DCC: variants seen among roughly 807,000 people sequenced by gnomAD.
DCC encodes netrin receptor DCC.
A neutral mutation model predicts 172.5 loss-of-function variants in DCC; 58 were observed. The observed-to-expected ratio is 0.34, with a 90% confidence interval of 0.27 to 0.42. DCC has a LOEUF of 0.42. Among genes scored for constraint, DCC ranks in the 10% least tolerant of loss-of-function variants. The pLI is 1.00. For synonymous variants in DCC, 709 were observed against 644.5 expected, an observed-to-expected ratio of 1.10 and a Z score of -1.52; for missense variants, 1,740 against 1,791.0, an observed-to-expected ratio of 0.97 and a Z score of 0.51.
intron 2 of DCC, among the ~76,000 whole-genome samples, chr18:52,891,630 C>G (rs941123913): frequency 6.6e-6 from 1 of 152,030 alleles, no homozygotes; most frequent in Non-Finnish European, 1.5e-5. Context: ...TCTTCCATAC[C>G]ACTGCATTTT....
chr18:53,427,201 C>T (rs1195050937), intron 21 of DCC, among the ~76,000 whole-genome samples: 5 of 152,018 alleles, frequency 3.3e-5, no homozygotes, highest in Non-Finnish European at 7.4e-5. Context: ...CAAGGCAGTG[C>T]CCATATTTGG....
chr18:52,815,312 T>C (rs1052562498), intron 2 of DCC, among the ~76,000 whole-genome samples: 2 of 152,036 alleles, frequency 1.3e-5, no homozygotes, highest in African/African-American at 2.4e-5. Context: ...AAATGTTACA[T>C]GAGGTCATAA....
chr18:53,055,590 T>C (rs1370379403), intron 5 of DCC, among the ~76,000 whole-genome samples: 1 of 152,194 alleles, frequency 6.6e-6, no homozygotes, highest in African/African-American at 2.4e-5. Context: ...TTCTACTCTC[T>C]TAAGGCTAGA....
chr18:52,943,580 C>T (rs565477763), intron 5 of DCC, among the ~76,000 whole-genome samples: 1 of 152,174 alleles, frequency 6.6e-6, no homozygotes, highest in African/African-American at 2.4e-5. Context: ...GCATCATTTA[C>T]ACAAGGACCA....
intron 1 of DCC, among the ~76,000 whole-genome samples, chr18:52,696,002 T>C (rs2036006259): frequency 1.3e-5 from 2 of 152,214 alleles, no homozygotes; most frequent in South Asian, 2.1e-4. Context: ...AAGTTTTTAT[T>C]CTGAGCATTG....
At chr18:52,409,910 T>A (rs1986786689) in intron 1 of DCC, among the ~76,000 whole-genome samples, 1 of 152,110 alleles carries the variant, frequency 6.6e-6, no homozygotes, top group African/African-American at 2.4e-5. Context: ...CAATAGAATC[T>A]AAGACGTGTC....
rs546290685 is a variant in DCC at position 53,535,503 on chromosome 18, T to C, written c.*4850T>C. The C allele has an allele frequency of 6.6e-6, 1 of 152,334 alleles. No homozygotes were observed. The highest frequency in any genetic ancestry group is 2.1e-4 in the South Asian group (1 of 4,826). The allele number at this position is 152,334 out of a possible 1,614,324, so 9.4% of individuals were successfully genotyped here. A position where few individuals can be genotyped will look rare whatever the true frequency, so the allele number is the denominator to read the frequency against. ...AAAGGGCTTTGCAACTCAAACAGAT[T>C]GTTAGTGTGCTAGTGATAAGTTTAT... On this transcript the variant is annotated 3_prime_UTR_variant, in exon 29 of 29. Coordinates refer to ENST00000442544, the MANE Select transcript of DCC (RefSeq NM_005215.4).
At chr18:52,806,250 G>A (rs764666234) in intron 2 of DCC, among the ~76,000 whole-genome samples, 6 of 152,110 alleles carry the variant, frequency 3.9e-5, no homozygotes, top group African/African-American at 9.7e-5. Context: ...GTCCCCATAC[G>A]TGTAAACCTC....
chr18:52,650,561 G>T (rs1350547507), intron 1 of DCC, among the ~76,000 whole-genome samples: 2 of 151,870 alleles, frequency 1.3e-5, no homozygotes, highest in African/African-American at 2.4e-5. Flanking sequence ...GGTTTTGTTT[G>T]TTTGTTTGTT....
chr18:53,266,895 GACATA>G (rs2056681433), intron 12 of DCC, among the ~76,000 whole-genome samples: 1 of 151,696 alleles, frequency 6.6e-6, no homozygotes, highest in African/African-American at 2.4e-5. Context: ...CTATTGTATA[GACATA>G]ACATTTCATT....
At chr18:52,437,567 C>G (rs562029247) in intron 1 of DCC, among the ~76,000 whole-genome samples, 1 of 152,094 alleles carries the variant, frequency 6.6e-6, no homozygotes, top group Non-Finnish European at 1.5e-5. Context: ...AAGATAGGGG[C>G]GCATATTCTG....
intron 2 of DCC, among the ~76,000 whole-genome samples, chr18:52,800,584 T>G (rs1784265880): frequency 2.0e-5 from 3 of 152,182 alleles, no homozygotes; most frequent in Non-Finnish European, 2.9e-5. Flanking sequence ...ACGGTGAGGT[T>G]AGATGCAGAT....
intron 1 of DCC, among the ~76,000 whole-genome samples, chr18:52,389,168 G>A (rs571340140): frequency 6.6e-6 from 1 of 152,016 alleles, no homozygotes; most frequent in Non-Finnish European, 1.5e-5. Context: ...TTTTTGCAGT[G>A]GCTTATAACC....
chr18:52,521,119 T>C (rs931587590), intron 1 of DCC, among the ~76,000 whole-genome samples: 41 of 152,298 alleles, frequency 2.7e-4, no homozygotes, highest in African/African-American at 9.4e-4. Flanking sequence ...TCGCTTTGCA[T>C]GTGTACATTC....
chr18:53,063,532 C>CT, intron 6 of DCC, 73 bp downstream of exon 6: 10 of 1,183,662 alleles, frequency 8.4e-6, no homozygotes, highest in South Asian at 1.4e-5. Context: ...GTTTTTATTT[C>CT]TTGAAAAAAA....
intron 1 of DCC, among the ~76,000 whole-genome samples, chr18:52,412,656 C>T (rs1249578161): frequency 2.0e-5 from 3 of 151,926 alleles, no homozygotes. Context: ...AGGCTTGTGC[C>T]CCAAGATTGT....
intron 5 of DCC, among the ~76,000 whole-genome samples, chr18:53,021,186 G>T (rs2041876390): frequency 6.6e-6 from 1 of 152,188 alleles, no homozygotes; most frequent in Admixed American, 6.5e-5. Flanking sequence ...ACAGAGGTTG[G>T]CTCTGAAGGG....
At chr18:52,607,035 A>G (rs924923627) in intron 1 of DCC, among the ~76,000 whole-genome samples, 1 of 152,086 alleles carries the variant, frequency 6.6e-6, no homozygotes, top group Non-Finnish European at 1.5e-5. Flanking sequence ...TTTTTTTGCT[A>G]TATTTGTCAG....
At chr18:52,848,722 CCAA>C (rs1170109501) in intron 2 of DCC, among the ~76,000 whole-genome samples, 3 of 152,044 alleles carry the variant, frequency 2.0e-5, no homozygotes, top group Non-Finnish European at 4.4e-5. Context: ...TCCAGTTGAC[CCAA>C]CAACATTTAT....
Sources: allele counts gnomAD v4.1 joint callset (sites outside exome capture counted in the v4.1 genomes callset), GRCh38; gene constraint gnomAD v4.1.1; transcripts MANE v1.5; gene names NCBI Gene and HGNC (gene_info 2026-07-23, HGNC 2026-07-21).